Variants in GABRA3 observed in about 807,000 individuals in gnomAD.
The protein encoded by GABRA3 is gamma-aminobutyric acid receptor subunit alpha-3.
Under a neutral mutation model 30.1 loss-of-function variants are expected in GABRA3, and 10 were observed. The observed-to-expected ratio is 0.33, with a 90% CI of 0.20 to 0.56. The LOEUF is 0.56. Among genes scored for constraint, GABRA3 ranks in the 20% least tolerant of loss-of-function variants. GABRA3 has a pLI of 0.89. For synonymous variants in GABRA3, 151 were observed against 146.8 expected, an observed-to-expected ratio of 1.03 and a Z score of -0.21; for missense variants, 233 against 392.0, an observed-to-expected ratio of 0.59 and a Z score of 3.42.
intron 3 of GABRA3, among the ~76,000 whole-genome samples, chrX:152,287,801 C>G (rs1939324960): frequency 9.1e-6 from 1 of 109,697 alleles, no homozygotes; most frequent in Non-Finnish European, 1.9e-5. Context: ...ATCCTTCTTT[C>G]CTCTCCTCCT....
At chrX:152,331,333 A>G (rs936102799) in intron 3 of GABRA3, among the ~76,000 whole-genome samples, 1 of 110,855 alleles carries the variant, frequency 9.0e-6, no homozygotes, top group Non-Finnish European at 1.9e-5. Context: ...GCTAAGTATC[A>G]GCAGTGCTAC....
chrX:152,282,261 C>T (rs1223844833), intron 4 of GABRA3, among the ~76,000 whole-genome samples: 1 of 111,303 alleles, frequency 9.0e-6, no homozygotes, highest in African/African-American at 3.3e-5. Context: ...AGAACCCAGG[C>T]AGCCCAAATT....
At chrX:152,275,237 A>T (rs1174960835) in intron 4 of GABRA3, among the ~76,000 whole-genome samples, 6 of 52,391 alleles carry the variant, frequency 1.1e-4, no homozygotes, top group Non-Finnish European at 1.5e-4. Context: ...ATTTATATAT[A>T]TTTTATTATA....
intron 4 of GABRA3, among the ~76,000 whole-genome samples, chrX:152,267,181 T>C (rs75979923): frequency 0.02 from 2,214 of 112,235 alleles, 39 homozygotes; most frequent in East Asian, 0.062. Context: ...TTGAGTTATG[T>C]TCCTTCTATG....
intron 1 of GABRA3, among the ~76,000 whole-genome samples, chrX:152,386,947 C>T (rs1929334706): frequency 9.4e-6 from 1 of 106,276 alleles, no homozygotes; most frequent in African/African-American, 3.4e-5. Flanking sequence ...CACATATACA[C>T]CATGGAATAC....
chrX:152,401,781 G>A (rs1239980936), intron 1 of GABRA3, among the ~76,000 whole-genome samples: 2 of 111,744 alleles, frequency 1.8e-5, no homozygotes, highest in Non-Finnish European at 3.8e-5. Flanking sequence ...TGCAAGAAAT[G>A]TAATTTCACA....
At chrX:152,407,450 T>C (rs971711267) in intron 1 of GABRA3, among the ~76,000 whole-genome samples, 5 of 111,854 alleles carry the variant, frequency 4.5e-5, no homozygotes, top group Non-Finnish European at 7.5e-5. Flanking sequence ...TATGTGCAAC[T>C]ATATGCCAAT....
At chrX:152,316,013 C>T (rs1279132869) in intron 3 of GABRA3, among the ~76,000 whole-genome samples, 1 of 87,006 alleles carries the variant, frequency 1.1e-5, no homozygotes, top group Non-Finnish European at 2.2e-5. Context: ...TGTACTACCA[C>T]AACTGATGCT....
intron 5 of GABRA3, among the ~76,000 whole-genome samples, chrX:152,248,794 A>G (rs984651636): frequency 8.9e-6 from 1 of 111,913 alleles, no homozygotes; most frequent in African/African-American, 3.2e-5. Context: ...GATATATTGC[A>G]TTCTTGAAAA....
chrX:152,258,145 C>T (rs137974118), intron 4 of GABRA3, among the ~76,000 whole-genome samples: 3,352 of 111,009 alleles, frequency 0.03, 122 homozygotes, highest in African/African-American at 0.1. Flanking sequence ...CATAATTATC[C>T]AGTAGTGATT....
intron 3 of GABRA3, among the ~76,000 whole-genome samples, chrX:152,332,585 A>AC (rs1191686126): frequency 7.1e-4 from 79 of 111,869 alleles, no homozygotes; most frequent in African/African-American, 2.5e-3. Flanking sequence ...AGGTATCTCG[A>AC]CCCTTTTTTT....
chrX:152,320,355 T>C (rs1939942869), intron 3 of GABRA3, among the ~76,000 whole-genome samples: 1 of 111,607 alleles, frequency 9.0e-6, no homozygotes, highest in Admixed American at 9.5e-5. Flanking sequence ...GATAAAGAAA[T>C]TGTCGTATAT....
chrX:152,229,627 G>A lies in GABRA3; in HGVS notation c.552-4782C>T, dbSNP rs1026315133. 2.7e-5 allele frequency among the ~76,000 whole-genome samples: 3 copies of A among 109,948 alleles called. No homozygotes were observed. The Admixed American group carries it at 3.0e-4, about 11-fold the overall frequency. On this transcript the variant is annotated intron_variant, in intron 5 of 9. Coordinates refer to ENST00000370314, the MANE Select transcript of GABRA3 (RefSeq NM_000808.4). ...GTGTGCCCAGGGTGCTCAAGAAATAGCAACTAGGCTACTGTGGCTGTCTTG... is the reference window on the plus strand; with the variant it reads ...GTGTGCCCAGGGTGCTCAAGAAATAACAACTAGGCTACTGTGGCTGTCTTG...
chrX:152,189,719 C>A lies in GABRA3; in HGVS notation c.1143+11G>T, dbSNP rs200906942. ...GGGGTGCTTCTCAGTTTCTCTTTTG[C>A]TATATCTCACCTTCATCTCCAGGGC... On this transcript the variant is annotated intron_variant, in intron 9 of 9. Transcript: ENST00000370314. 8.5e-7 allele frequency: 1 copy of A among 1,179,123 alleles called. No homozygotes were observed. The highest frequency in any genetic ancestry group is 1.2e-6 in the Non-Finnish European group (1 of 869,097).
chrX:152,284,634 A>T (rs1015074260), intron 4 of GABRA3, 34 bp downstream of exon 4: 2 of 1,022,008 alleles, frequency 2.0e-6, no homozygotes, highest in Non-Finnish European at 2.7e-6. Context: ...GGTCTAGTGC[A>T]TCCTCTTTTA....
At chrX:152,413,362 AAAGGAATATTATAGGCAAAT>A (rs1930123064) in intron 1 of GABRA3, among the ~76,000 whole-genome samples, 1 of 111,777 alleles carries the variant, frequency 8.9e-6, no homozygotes, top group Non-Finnish European at 1.9e-5. Flanking sequence ...GTACAGAAAA[AAAGGAATATTATAGGCAAAT>A]ATCCTTCATG....
At chrX:152,397,433 T>C (rs191388258) in intron 1 of GABRA3, among the ~76,000 whole-genome samples, 1 of 112,077 alleles carries the variant, frequency 8.9e-6, no homozygotes, top group African/African-American at 3.2e-5. Context: ...CAAATGCTAT[T>C]TCTAACAGAA....
intron 3 of GABRA3, among the ~76,000 whole-genome samples, chrX:152,335,662 C>G (rs1344171249): frequency 9.0e-6 from 1 of 111,315 alleles, no homozygotes; most frequent in African/African-American, 3.3e-5. Flanking sequence ...GTTGTGTTAC[C>G]TGGATATATT....
chrX:152,370,434 A>G (rs1928805739), intron 1 of GABRA3, among the ~76,000 whole-genome samples: 1 of 111,678 alleles, frequency 9.0e-6, no homozygotes, highest in African/African-American at 3.3e-5. Context: ...ATCTAATTCC[A>G]CCTAGCCTCA....
Sources: gnomAD v4.1 joint callset for allele counts (sites outside exome capture counted in the v4.1 genomes callset) on GRCh38, gnomAD v4.1.1 for gene constraint, MANE v1.5 for transcripts, NCBI Gene and HGNC (gene_info 2026-07-23, HGNC 2026-07-21) for gene names.